FAM120A: variants seen among roughly 807,000 people sequenced by gnomAD.
The protein encoded by FAM120A is constitutive coactivator of PPAR-gamma-like protein 1.
Under a neutral mutation model 109.7 loss-of-function variants are expected in FAM120A, and 15 were observed. That is an observed-to-expected ratio of 0.14 (90% CI 0.09 to 0.21). FAM120A has a LOEUF of 0.21. FAM120A is among the 10% of genes least tolerant of loss of function. The probability of loss-of-function intolerance (pLI) is 1.00; values close to 1 mark genes in which losing one functional copy is unlikely to be tolerated. For missense variants in FAM120A, 899 were observed against 1,439.3 expected (o/e 0.62, Z 6.07); for synonymous variants, 493 against 572.8 (o/e 0.86, Z 1.99).
At chr9:93,490,234 G>A (rs1859255191) in intron 3 of FAM120A, among the ~76,000 whole-genome samples, 1 of 152,164 alleles carries the variant, frequency 6.6e-6, no homozygotes, top group South Asian at 2.1e-4. Context: ...CTTCAGCAAT[G>A]GTACTTTGTG....
At chr9:93,524,330 C>T (rs1045075549) in intron 7 of FAM120A, among the ~76,000 whole-genome samples, 1 of 152,184 alleles carries the variant, frequency 6.6e-6, no homozygotes, top group Non-Finnish European at 1.5e-5. Context: ...ATGAGTGACA[C>T]GTCATACCCT....
intron 10 of FAM120A, among the ~76,000 whole-genome samples, chr9:93,538,952 G>C (rs1016289124): frequency 6.6e-6 from 1 of 151,980 alleles, no homozygotes; most frequent in Non-Finnish European, 1.5e-5. Context: ...CTTTCTGTAA[G>C]GAAAATGCGT....
chr9:93,492,490 A>G (rs1052654583), intron 3 of FAM120A, among the ~76,000 whole-genome samples: 3 of 152,156 alleles, frequency 2.0e-5, no homozygotes, highest in African/African-American at 7.2e-5. Flanking sequence ...CCAAGCCCTT[A>G]GGACAGCACC....
At chr9:93,529,774 C>T (rs916956711) in intron 9 of FAM120A, 194 bp downstream of exon 9, 3 of 622,440 alleles carry the variant, frequency 4.8e-6, no homozygotes, top group South Asian at 2.0e-5. Context: ...TAAAATAACT[C>T]GTGAAAAGTC....
rs1384356753 is a variant in FAM120A at position 93,451,808 on chromosome 9, C to G, written c.-108C>G. 2.7e-5 allele frequency: 26 copies of G among 974,728 alleles called. No individual in the cohort carries two copies. Among genetic ancestry groups the G allele is most frequent in the Middle Eastern group, 5.2e-4 (1 of 1,926 alleles). The allele number at this position is 974,728 out of a possible 1,614,324, so 60.4% of individuals were successfully genotyped here. ...GCGCCCCCGACCCGCCCCAGTCCCC[C>G]CTAGAGGCCGCCGCCCCCGCCCGCC... On this transcript the variant is annotated 5_prime_UTR_variant, in exon 1 of 18. Coordinates refer to ENST00000277165, the MANE Select transcript of FAM120A (RefSeq NM_014612.5).
chr9:93,493,738 G>C (rs1289688644), intron 3 of FAM120A, among the ~76,000 whole-genome samples: 2 of 152,212 alleles, frequency 1.3e-5, no homozygotes, highest in Non-Finnish European at 2.9e-5. Flanking sequence ...TGGGGGCCCA[G>C]TGTCCTCCTG....
chr9:93,539,830 C>T (rs1328540515), intron 10 of FAM120A, among the ~76,000 whole-genome samples: 1 of 152,238 alleles, frequency 6.6e-6, no homozygotes, highest in African/African-American at 2.4e-5. Flanking sequence ...TCTCTAGAGG[C>T]TACCCTCCAG....
At chr9:93,552,030 T>C (rs987052311) in intron 12 of FAM120A, among the ~76,000 whole-genome samples, 2 of 152,214 alleles carry the variant, frequency 1.3e-5, no homozygotes, top group African/African-American at 4.8e-5. Context: ...TCACAGATTG[T>C]GCTTCAGGGG....
At position 93,529,484 on chromosome 9, in the gene FAM120A, T is replaced by C. The variant is rs879268372; in HGVS notation, c.1638T>C (p.Pro546=). The change falls in exon 9 of 18, where the codon CCT becomes CCC. Residue 546 remains proline, a synonymous_variant. Transcript: ENST00000277165. ...GGAACCACATGGACATCACCACACC[T>C]CCCCTGCCCCCCGTCGCACCTGAGG... ...PTRNHMDITT[P]PLPPVAPEVL... The C allele has an allele frequency of 1.9e-5, 30 of 1,613,880 alleles. No homozygotes were observed. The highest frequency in any genetic ancestry group is 2.4e-5 in the Non-Finnish European group (28 of 1,179,992).
At chr9:93,523,173 TA>T in intron 7 of FAM120A, 1 of 395,280 alleles carries the variant, frequency 2.5e-6, no homozygotes, top group Non-Finnish European at 4.4e-6. Context: ...GTAAAATAGC[TA>T]AAAGAATTTT....
chr9:93,496,862 A>G (rs994633692), intron 3 of FAM120A, among the ~76,000 whole-genome samples: 1 of 152,150 alleles, frequency 6.6e-6, no homozygotes. Flanking sequence ...GGCTAATGAG[A>G]TGTTCCTACT....
Position 93,532,454 on chromosome 9 carries a change from C to A in FAM120A, c.1909+125C>A. ...AGTGCCTCTGTGTAAAGGAGGTGGG[C>A]CCATCATCGGGGCAGTAGGCCAGGG... On this transcript the variant is annotated intron_variant, in intron 10 of 17. Transcript: ENST00000277165. The surrounding 1 kb of genome is among the most constrained non-coding windows in gnomAD (Gnocchi z 4.3). 1.9e-6 allele frequency: 2 copies of A among 1,056,024 alleles called. No individual in the cohort carries two copies. Among genetic ancestry groups the A allele is most frequent in the Non-Finnish European group, 2.9e-6 (2 of 697,320 alleles). The allele number at this position is 1,056,024 out of a possible 1,614,324, so 65.4% of individuals were successfully genotyped here. A position where few individuals can be genotyped will look rare whatever the true frequency, so the allele number is the denominator to read the frequency against.
chr9:93,505,911 A>C (rs1405759380), intron 5 of FAM120A, among the ~76,000 whole-genome samples: 1 of 152,064 alleles, frequency 6.6e-6, no homozygotes, highest in African/African-American at 2.4e-5. Context: ...TGAGTGAGGG[A>C]ATTCAGTTTC....
intron 1 of FAM120A, chr9:93,453,740 G>C (rs1418937569): frequency 1.8e-5 from 12 of 658,504 alleles, no homozygotes; most frequent in Non-Finnish European, 2.1e-5. Context: ...GGAAGTGCCT[G>C]CCTTTTAATT....
chr9:93,527,167 G>C lies in FAM120A; in HGVS notation c.1431G>C (p.Gly477=). The change falls in exon 8 of 18, where the codon GGG becomes GGC. Residue 477 remains glycine, a synonymous_variant. Coordinates refer to ENST00000277165, the MANE Select transcript of FAM120A (RefSeq NM_014612.5). ...ATTTTATGTTTAGCCATATCAGCGG[G>C]AACAAGATTGGCTGGGAGAAGACGG... ...GSGGATNHIS[G]NKIGWEKTGS... The C allele has an allele frequency of 6.2e-7, 1 of 1,614,032 alleles. No individual in the cohort carries two copies. The highest frequency in any genetic ancestry group is 8.5e-7 in the Non-Finnish European group (1 of 1,179,908).
At chr9:93,556,240 T>C in intron 12 of FAM120A, 142 bp from the exon 13 acceptor site, 2 of 638,228 alleles carry the variant, frequency 3.1e-6, no homozygotes, top group Non-Finnish European at 2.8e-6. Context: ...GTTAGGTCAA[T>C]ATAAGGTAAT....
chr9:93,551,045 A>G (rs1033002603), intron 12 of FAM120A, among the ~76,000 whole-genome samples: 1 of 152,318 alleles, frequency 6.6e-6, no homozygotes, highest in African/African-American at 2.4e-5. Context: ...GCTTGATCTT[A>G]AGAATTTTCT....
At chr9:93,524,016 G>A (rs1157943015) in intron 7 of FAM120A, among the ~76,000 whole-genome samples, 1 of 152,212 alleles carries the variant, frequency 6.6e-6, no homozygotes. Context: ...GCCAGGCTGA[G>A]GCCTTCTGTT....
chr9:93,550,338 G>A (rs1217124649), intron 11 of FAM120A, among the ~76,000 whole-genome samples: 2 of 152,226 alleles, frequency 1.3e-5, no homozygotes, highest in Non-Finnish European at 2.9e-5. Context: ...CTAGTTTTCA[G>A]TATCCACAAT....
Sources: allele counts gnomAD v4.1 joint callset (sites outside exome capture counted in the v4.1 genomes callset), GRCh38; gene constraint gnomAD v4.1.1; non-coding constraint Gnocchi (gnomAD v3.1); transcripts MANE v1.5; gene names NCBI Gene and HGNC (gene_info 2026-07-23, HGNC 2026-07-21).